The following GALNT13 variants were observed in gnomAD, a reference collection of about 807,000 sequenced individuals.
GALNT13 encodes UDP-GalNAc:polypeptide N-acetylgalactosaminyltransferase 13.
In GALNT13, 28 loss-of-function variants were observed where a neutral mutation model predicts 64.2. The observed-to-expected ratio is 0.44, with a 90% CI of 0.32 to 0.60. The LOEUF (loss-of-function observed/expected upper bound fraction) is 0.60. Among genes scored for constraint, GALNT13 ranks in the 20% least tolerant of loss-of-function variants. The pLI is 0.05. For missense variants in GALNT13, 577 were observed against 669.8 expected (o/e 0.86, Z 1.53); for synonymous variants, 214 against 224.6 (o/e 0.95, Z 0.42).
the GALNT13 span, among the ~76,000 whole-genome samples, chr2:153,353,100 C>G: frequency 3.9e-5 from 6 of 152,034 alleles, no homozygotes; most frequent in South Asian, 1.2e-3. Flanking sequence ...AATGGAATAT[C>G]TCTCCATTTA....
At chr2:153,770,971 G>A in the GALNT13 span, among the ~76,000 whole-genome samples, 22 of 152,136 alleles carry the variant, frequency 1.4e-4, no homozygotes, top group African/African-American at 5.1e-4. Context: ...AAGGGGGGTG[G>A]CCTAAACTTC....
chr2:153,648,943 C>G, the GALNT13 span, among the ~76,000 whole-genome samples: 5 of 152,216 alleles, frequency 3.3e-5, no homozygotes, highest in East Asian at 5.8e-4. Flanking sequence ...GGTTGTGTCT[C>G]TGCCAGGCTT....
chr2:153,776,925 C>T, the GALNT13 span, among the ~76,000 whole-genome samples: 2 of 152,172 alleles, frequency 1.3e-5, no homozygotes, highest in Non-Finnish European at 2.9e-5. Context: ...CAAGTTTTTC[C>T]TCAGTGAACA....
the GALNT13 span, among the ~76,000 whole-genome samples, chr2:153,713,982 A>G: frequency 2.0e-5 from 3 of 152,182 alleles, no homozygotes; most frequent in Non-Finnish European, 2.9e-5. Context: ...TTCTCTAGCA[A>G]TGAATACTAC....
At chr2:153,809,333 C>G in the GALNT13 span, among the ~76,000 whole-genome samples, 1 of 152,010 alleles carries the variant, frequency 6.6e-6, no homozygotes, top group African/African-American at 2.4e-5. Flanking sequence ...TAAAGAAAAA[C>G]AGAGATGTGT....
At chr2:154,389,026 T>C (rs80273556) in intron 9 of GALNT13, among the ~76,000 whole-genome samples, 16,639 of 152,268 alleles carry the variant, frequency 0.11, 1,021 homozygotes, top group Non-Finnish European at 0.14. Context: ...TTAACATTTT[T>C]CCATATTCTT....
At chr2:153,363,142 A>G in the GALNT13 span, among the ~76,000 whole-genome samples, 1 of 152,078 alleles carries the variant, frequency 6.6e-6, no homozygotes, top group Non-Finnish European at 1.5e-5. Flanking sequence ...CTCCTGGGTA[A>G]TAATGAAATT....
chr2:153,631,713 T>G, the GALNT13 span, among the ~76,000 whole-genome samples: 11,624 of 152,248 alleles, frequency 0.076, 514 homozygotes, highest in Non-Finnish European at 0.11. Flanking sequence ...ATTAGCCCTT[T>G]GTCAGATGAG....
the GALNT13 span, among the ~76,000 whole-genome samples, chr2:153,470,834 G>T: frequency 6.6e-6 from 1 of 152,130 alleles, no homozygotes; most frequent in Non-Finnish European, 1.5e-5. Flanking sequence ...GAATGTAGGG[G>T]AGGAAATTTT....
intron 2 of GALNT13, among the ~76,000 whole-genome samples, chr2:153,910,321 A>T (rs1235055242): frequency 6.6e-6 from 1 of 151,614 alleles, no homozygotes; most frequent in African/African-American, 2.4e-5. Flanking sequence ...TTTATCTTCT[A>T]TCTTTTTCTC....
At chr2:153,919,976 T>A (rs1689639912) in intron 2 of GALNT13, among the ~76,000 whole-genome samples, 1 of 148,246 alleles carries the variant, frequency 6.7e-6, no homozygotes, top group South Asian at 2.1e-4. Context: ...TTATATATAA[T>A]ACAGTTATAT....
chr2:153,993,716 T>C (rs1274409108), intron 3 of GALNT13, among the ~76,000 whole-genome samples: 1 of 133,160 alleles, frequency 7.5e-6, no homozygotes, highest in Non-Finnish European at 1.6e-5. Flanking sequence ...AAAAAAAAGA[T>C]AAATTAAGCT....
intron 3 of GALNT13, among the ~76,000 whole-genome samples, chr2:154,073,566 C>A (rs1340507662): frequency 6.6e-6 from 1 of 151,808 alleles, no homozygotes; most frequent in African/African-American, 2.4e-5. Flanking sequence ...TAAAAATTTG[C>A]TAAATCTGCA....
intron 9 of GALNT13, among the ~76,000 whole-genome samples, chr2:154,325,053 G>A (rs1331934727): frequency 6.6e-6 from 1 of 151,968 alleles, no homozygotes; most frequent in Non-Finnish European, 1.5e-5. Flanking sequence ...CTGTTTCACT[G>A]TAGCTGGAAT....
chr2:153,333,628 A>C, the GALNT13 span, among the ~76,000 whole-genome samples: 1 of 152,130 alleles, frequency 6.6e-6, no homozygotes, highest in African/African-American at 2.4e-5. Flanking sequence ...CCGTTACATA[A>C]CTCCTAGAAG....
At chr2:154,211,889 GACAAA>G (rs1267961039) in intron 4 of GALNT13, among the ~76,000 whole-genome samples, 1 of 151,796 alleles carries the variant, frequency 6.6e-6, no homozygotes, top group Non-Finnish European at 1.5e-5. Flanking sequence ...GGTCAAGAAA[GACAAA>G]ACAAAAAAGT....
At chr2:154,255,370 G>GA (rs1385554453) in intron 7 of GALNT13, among the ~76,000 whole-genome samples, 2 of 152,190 alleles carry the variant, frequency 1.3e-5, no homozygotes, top group Non-Finnish European at 2.9e-5. Flanking sequence ...GAAGGGAATA[G>GA]AAAATATATG....
At chr2:154,181,624 C>T (rs932061332) in intron 4 of GALNT13, among the ~76,000 whole-genome samples, 1 of 151,908 alleles carries the variant, frequency 6.6e-6, no homozygotes, top group Non-Finnish European at 1.5e-5. Flanking sequence ...CTATAAAATA[C>T]ATTCTTTTTC....
intron 8 of GALNT13, among the ~76,000 whole-genome samples, chr2:154,261,176 G>A (rs949361753): frequency 6.6e-6 from 1 of 152,154 alleles, no homozygotes; most frequent in Admixed American, 6.6e-5. Context: ...CAAGGGTACA[G>A]AAGGAATGCA....
Sources: gnomAD v4.1 joint callset for allele counts (sites outside exome capture counted in the v4.1 genomes callset) on GRCh38, gnomAD v4.1.1 for gene constraint, MANE v1.5 for transcripts, NCBI Gene and HGNC (gene_info 2026-07-23, HGNC 2026-07-21) for gene names.